The following DLG2 variants were observed in gnomAD, a reference collection of about 807,000 sequenced individuals.
The protein encoded by DLG2 is discs large MAGUK scaffold protein 2.
Under a neutral mutation model 132.5 loss-of-function variants are expected in DLG2, and 45 were observed. The observed-to-expected ratio is 0.34, with a 90% CI of 0.27 to 0.44. DLG2 has a LOEUF of 0.44. Among genes scored for constraint, DLG2 ranks in the 20% least tolerant of loss-of-function variants. The pLI, the probability that DLG2 is intolerant of heterozygous loss-of-function variation, is 1.00. For missense variants in DLG2, 1,045 were observed against 1,196.9 expected (o/e 0.87, Z 1.87); for synonymous variants, 424 against 419.6 (o/e 1.01, Z -0.13).
intron 11 of DLG2, among the ~76,000 whole-genome samples, chr11:83,994,291 A>T (rs964762672): frequency 6.6e-6 from 1 of 152,214 alleles, no homozygotes; most frequent in Admixed American, 6.6e-5. Flanking sequence ...GGAATATCTC[A>T]TTCCCCCACG....
At chr11:84,410,574 CTTTTT>C (rs367980167) in intron 7 of DLG2, among the ~76,000 whole-genome samples, 37 of 109,096 alleles carry the variant, frequency 3.4e-4, no homozygotes, top group African/African-American at 1.2e-3. Context: ...ACCACATAAA[CTTTTT>C]TTTTTTTTTT....
chr11:84,306,191 A>T (rs1261209088), intron 7 of DLG2, among the ~76,000 whole-genome samples: 3 of 152,150 alleles, frequency 2.0e-5, no homozygotes, highest in Non-Finnish European at 4.4e-5. Context: ...TGACATGTTA[A>T]TTACTCTGAT....
chr11:83,713,145 C>T (rs376442946), intron 18 of DLG2, among the ~76,000 whole-genome samples: 7 of 152,146 alleles, frequency 4.6e-5, no homozygotes, highest in Admixed American at 1.3e-4. Context: ...TTTTAAAACC[C>T]TTAAAATCTT....
At chr11:85,019,985 T>TAATGGGATGGCTGGGTCA (rs2059903531) in intron 6 of DLG2, among the ~76,000 whole-genome samples, 1 of 152,196 alleles carries the variant, frequency 6.6e-6, no homozygotes, top group African/African-American at 2.4e-5. Context: ...ATATACCCAG[T>TAATGGGATGGCTGGGTCA]AATGGGATGG....
intron 3 of DLG2, among the ~76,000 whole-genome samples, chr11:85,536,486 G>A (rs939814041): frequency 4.6e-5 from 7 of 152,182 alleles, no homozygotes; most frequent in South Asian, 2.1e-4. Flanking sequence ...ACTCGCTCTT[G>A]GGGCCTCCTT....
chr11:85,042,322 C>T (rs963286372), intron 6 of DLG2, among the ~76,000 whole-genome samples: 10 of 151,896 alleles, frequency 6.6e-5, no homozygotes, highest in Non-Finnish European at 1.3e-4. Flanking sequence ...GGATGAAGCC[C>T]TGGGAACTTC....
chr11:84,438,278 G>A (rs1311255361), intron 7 of DLG2, among the ~76,000 whole-genome samples: 1 of 152,166 alleles, frequency 6.6e-6, no homozygotes, highest in Non-Finnish European at 1.5e-5. Flanking sequence ...GGGACCAAGG[G>A]CAAAGTGAGC....
At chr11:84,565,879 T>C (rs1025189951) in intron 6 of DLG2, among the ~76,000 whole-genome samples, 4 of 152,004 alleles carry the variant, frequency 2.6e-5, no homozygotes, top group African/African-American at 4.8e-5. Flanking sequence ...AAATGTGACA[T>C]ATGCAATAAA....
chr11:83,682,130 A>G, intron 18 of DLG2: 1 of 985,368 alleles, frequency 1.0e-6, no homozygotes, highest in Non-Finnish European at 1.2e-6. Flanking sequence ...TTCAACAACA[A>G]CGATTAGCTG....
At chr11:84,676,527 G>T (rs2099711410) in intron 6 of DLG2, among the ~76,000 whole-genome samples, 2 of 151,976 alleles carry the variant, frequency 1.3e-5, no homozygotes, top group Admixed American at 1.3e-4. Flanking sequence ...CTAATAAAGG[G>T]AAAGTAAGAA....
intron 3 of DLG2, among the ~76,000 whole-genome samples, chr11:85,471,618 A>G (rs2092987277): frequency 6.6e-6 from 1 of 152,180 alleles, no homozygotes; most frequent in Non-Finnish European, 1.5e-5. Flanking sequence ...CTAAAGAGAA[A>G]CAACTAGTAT....
At chr11:83,961,048 C>T (rs1032097844) in intron 14 of DLG2, among the ~76,000 whole-genome samples, 1 of 152,040 alleles carries the variant, frequency 6.6e-6, no homozygotes, top group Non-Finnish European at 1.5e-5. Context: ...TTTCATGTGA[C>T]ATCTGAAGTG....
chr11:83,888,680 C>T (rs185232608), intron 15 of DLG2, among the ~76,000 whole-genome samples: 15 of 152,254 alleles, frequency 9.9e-5, no homozygotes, highest in East Asian at 5.8e-4. Flanking sequence ...GGAGGCATCA[C>T]GTTACCTGAC....
intron 18 of DLG2, among the ~76,000 whole-genome samples, chr11:83,766,141 T>C (rs868325149): frequency 1.3e-5 from 2 of 150,936 alleles, no homozygotes; most frequent in African/African-American, 4.9e-5. Flanking sequence ...TCACCCAGGC[T>C]GGAGTGCAGT....
chr11:84,361,867 G>A (rs1478114389), intron 7 of DLG2, among the ~76,000 whole-genome samples: 1 of 151,818 alleles, frequency 6.6e-6, no homozygotes, highest in African/African-American at 2.4e-5. Flanking sequence ...GTGATAAATT[G>A]TATAAACCCT....
At chr11:84,836,595 C>T (rs145856032) in intron 6 of DLG2, among the ~76,000 whole-genome samples, 3 of 151,848 alleles carry the variant, frequency 2.0e-5, no homozygotes, top group African/African-American at 7.2e-5. Context: ...AAGGGATTAT[C>T]TTTAACAAGG....
At position 83,850,158 on chromosome 11, in the gene DLG2, G is replaced by GTT. The variant is rs1430673250; in HGVS notation, c.1566-16389_1566-16388insAA. 6.4e-3 allele frequency among the ~76,000 whole-genome samples: 814 copies of GTT among 127,856 alleles called. 13 individuals carry two copies. Among genetic ancestry groups the GTT allele is most frequent in the African/African-American group, 0.026 (674 of 25,812 alleles). The allele number at this position is 127,856 out of a possible 152,430, so 83.9% of individuals were successfully genotyped here. On this transcript the variant is annotated intron_variant, in intron 16 of 27. Transcript: ENST00000376104. Reference sequence around the variant, plus strand: ...TGTGTGTGTGTGTGTGTGTGTGTGTGTGTTTTTTTACTTGAGACGGAGTCT... The same window carrying GTT: ...TGTGTGTGTGTGTGTGTGTGTGTGTGTTTGTTTTTTTACTTGAGACGGAGTCT...
intron 8 of DLG2, among the ~76,000 whole-genome samples, chr11:84,195,646 A>T (rs899283492): frequency 1.3e-5 from 2 of 152,218 alleles, no homozygotes; most frequent in African/African-American, 4.8e-5. Flanking sequence ...CTCATCTAGA[A>T]AATTGGGATA....
At chr11:84,896,592 A>T (rs1257473937) in intron 6 of DLG2, among the ~76,000 whole-genome samples, 2 of 152,068 alleles carry the variant, frequency 1.3e-5, no homozygotes, top group Non-Finnish European at 2.9e-5. Flanking sequence ...TTTTTGTCAT[A>T]AAAATGTATG....
Sources: gnomAD v4.1 joint callset for allele counts (sites outside exome capture counted in the v4.1 genomes callset) on GRCh38, gnomAD v4.1.1 for gene constraint, MANE v1.5 for transcripts, NCBI Gene and HGNC (gene_info 2026-07-23, HGNC 2026-07-21) for gene names.